Variants in RPRD1A observed in about 807,000 individuals in gnomAD.
RPRD1A encodes regulation of nuclear pre-mRNA domain-containing protein 1A.
A neutral mutation model predicts 37.8 loss-of-function variants in RPRD1A; 9 were observed. The observed-to-expected ratio is 0.24, with a 90% confidence interval of 0.14 to 0.42. The LOEUF (loss-of-function observed/expected upper bound fraction) is 0.42. Among genes scored for constraint, RPRD1A ranks in the 10% least tolerant of loss-of-function variants. The pLI is 1.00. For missense variants in RPRD1A, 255 were observed against 371.0 expected (o/e 0.69, Z 2.57); for synonymous variants, 138 against 139.7 (o/e 0.99, Z 0.08).
intron 1 of RPRD1A, among the ~76,000 whole-genome samples, chr18:36,049,829 T>A (rs1913245653): frequency 2.6e-5 from 4 of 152,294 alleles, no homozygotes; most frequent in Middle Eastern, 3.4e-3. Context: ...CTTTAGGAGT[T>A]TATACTCAGG....
chr18:36,000,390 A>G (rs1263814011), intron 6 of RPRD1A, among the ~76,000 whole-genome samples: 2 of 152,238 alleles, frequency 1.3e-5, no homozygotes, highest in African/African-American at 4.8e-5. Context: ...GTAAGTAAGT[A>G]TCATCTAACG....
chr18:36,050,581 T>G (rs1457697792), intron 1 of RPRD1A, among the ~76,000 whole-genome samples: 1 of 152,076 alleles, frequency 6.6e-6, no homozygotes, highest in Non-Finnish European at 1.5e-5. Context: ...GGCAAACTGC[T>G]TGAATAGACA....
chr18:36,030,942 T>C, intron 3 of RPRD1A, 37 bp from the exon 4 acceptor site: 3 of 1,598,680 alleles, frequency 1.9e-6, no homozygotes, highest in South Asian at 1.1e-5. Flanking sequence ...AATGAAAGAA[T>C]ACATTTTAAT....
intron 6 of RPRD1A, among the ~76,000 whole-genome samples, chr18:36,017,647 T>G (rs984405312): frequency 2.6e-5 from 4 of 152,260 alleles, no homozygotes; most frequent in African/African-American, 4.8e-5. Context: ...AAAGCGTAAC[T>G]GCCTATATGC....
chr18:36,017,773 GT>G (rs1183081905), intron 6 of RPRD1A, among the ~76,000 whole-genome samples: 1 of 152,196 alleles, frequency 6.6e-6, no homozygotes, highest in Non-Finnish European at 1.5e-5. Flanking sequence ...GGGCAATAGA[GT>G]GTAAATTCCT....
At chr18:36,063,676 T>C (rs1216188515) in intron 1 of RPRD1A, among the ~76,000 whole-genome samples, 1 of 152,242 alleles carries the variant, frequency 6.6e-6, no homozygotes, top group Non-Finnish European at 1.5e-5. Flanking sequence ...ACTAAAAGAA[T>C]GTCTGGTACT....
At chr18:36,050,369 T>C (rs1002784103) in intron 1 of RPRD1A, among the ~76,000 whole-genome samples, 6 of 152,116 alleles carry the variant, frequency 3.9e-5, no homozygotes, top group Non-Finnish European at 8.8e-5. Flanking sequence ...TGTTGTTCAA[T>C]GGAAAACTGT....
intron 1 of RPRD1A, among the ~76,000 whole-genome samples, chr18:36,035,421 A>C (rs1912119097): frequency 6.6e-6 from 1 of 152,186 alleles, no homozygotes; most frequent in African/African-American, 2.4e-5. Flanking sequence ...TGAACAAACA[A>C]AGCCAAAAAC....
At chr18:36,065,867 G>A (rs781397150) in intron 1 of RPRD1A, among the ~76,000 whole-genome samples, 7 of 151,866 alleles carry the variant, frequency 4.6e-5, no homozygotes, top group Non-Finnish European at 8.8e-5. Context: ...CCTATAAACA[G>A]TACTGCCATT....
intron 1 of RPRD1A, among the ~76,000 whole-genome samples, chr18:36,045,805 C>A (rs567563475): frequency 3.6e-4 from 55 of 152,254 alleles, no homozygotes; most frequent in African/African-American, 1.3e-3. Flanking sequence ...ATCATGAGGG[C>A]TGAATTAGCC....
In RPRD1A at chr18:36,025,639, T is replaced by C. The variant is rs1248841900; in HGVS notation, c.789+1261A>G. ...ATTTTTAGCAGGAAGAATATACTAA[T>C]GGTGACGACATCGTTAGAAGATACG... On this transcript the variant is annotated intron_variant, in intron 6 of 6. Transcript: ENST00000399022. The C allele has an allele frequency of 1.0e-5, 13 of 1,288,904 alleles. No homozygotes were observed. In the Admixed American group the frequency reaches 2.5e-4, roughly 25 times the overall value. The allele number at this position is 1,288,904 out of a possible 1,614,324, so 79.8% of individuals were successfully genotyped here. A position where few individuals can be genotyped will look rare whatever the true frequency, so the allele number is the denominator to read the frequency against.
At chr18:36,015,155 CACAT>C (rs1257183532) in intron 6 of RPRD1A, among the ~76,000 whole-genome samples, 38 of 93,632 alleles carry the variant, frequency 4.1e-4, no homozygotes, top group African/African-American at 1.2e-3. Flanking sequence ...CACACACACA[CACAT>C]ATATACACAT....
At position 36,042,180 on chromosome 18, in the gene RPRD1A, G is replaced by A. The variant is rs549701622; in HGVS notation, c.152-8343C>T. The stretch of plus-strand genomic sequence containing the variant: ...CCATATTTTAGACCTCAGTTAAATG[G>A]GTTCCTCCAGTTTTCCCTGACCAAC... On this transcript the variant is annotated intron_variant, in intron 1 of 6. Transcript: ENST00000399022. 3.9e-5 allele frequency among the ~76,000 whole-genome samples: 6 copies of A among 152,176 alleles called. No homozygotes were observed. The South Asian group carries it at 1.2e-3, about 32-fold the overall frequency.
At chr18:36,047,360 C>T (rs1409278050) in intron 1 of RPRD1A, among the ~76,000 whole-genome samples, 1 of 151,910 alleles carries the variant, frequency 6.6e-6, no homozygotes, top group African/African-American at 2.4e-5. Flanking sequence ...ACCAAAGGTA[C>T]ACATGAAAAA....
chr18:36,029,394 T>C (rs1911603894), intron 4 of RPRD1A, among the ~76,000 whole-genome samples: 1 of 152,178 alleles, frequency 6.6e-6, no homozygotes, highest in Non-Finnish European at 1.5e-5. Flanking sequence ...CCTGTGACCT[T>C]AAAGGATACT....
chr18:36,012,158 T>C (rs970325647), intron 6 of RPRD1A, among the ~76,000 whole-genome samples: 1 of 152,184 alleles, frequency 6.6e-6, no homozygotes, highest in Non-Finnish European at 1.5e-5. Flanking sequence ...AAGACTATAA[T>C]GAAGCTGAAA....
At chr18:36,015,374 G>A (rs1382248859) in intron 6 of RPRD1A, among the ~76,000 whole-genome samples, 5 of 151,822 alleles carry the variant, frequency 3.3e-5, no homozygotes, top group Admixed American at 1.3e-4. Flanking sequence ...CACCACGTCC[G>A]GCTAATTTTT....
chr18:36,060,126 A>C (rs1160039356), intron 1 of RPRD1A, among the ~76,000 whole-genome samples: 1 of 152,200 alleles, frequency 6.6e-6, no homozygotes, highest in Non-Finnish European at 1.5e-5. Context: ...ATATATTTTT[A>C]AAGCAAATGA....
chr18:36,023,861 T>C (rs972966994), intron 6 of RPRD1A, among the ~76,000 whole-genome samples: 2 of 152,246 alleles, frequency 1.3e-5, no homozygotes, highest in Non-Finnish European at 2.9e-5. Flanking sequence ...TAATTTTATA[T>C]GTAATCCTAA....
Sources: allele counts gnomAD v4.1 joint callset (sites outside exome capture counted in the v4.1 genomes callset), GRCh38; gene constraint gnomAD v4.1.1; transcripts MANE v1.5; gene names NCBI Gene and HGNC (gene_info 2026-07-23, HGNC 2026-07-21).